Variants in CTNNA1 observed in about 807,000 individuals in gnomAD.
The protein encoded by CTNNA1 is catenin alpha 1.
A neutral mutation model predicts 98.4 loss-of-function variants in CTNNA1; 37 were observed. The observed-to-expected ratio is 0.38, with a 90% CI of 0.29 to 0.49. The LOEUF (loss-of-function observed/expected upper bound fraction) is 0.49. Among genes scored for constraint, CTNNA1 ranks in the 20% least tolerant of loss-of-function variants. The pLI is 0.95. For synonymous variants in CTNNA1, 404 were observed against 413.2 expected, an observed-to-expected ratio of 0.98 and a Z score of 0.27; for missense variants, 761 against 1,147.2, an observed-to-expected ratio of 0.66 and a Z score of 4.86.
At chr5:138,861,440 A>C (rs1317078188) in intron 7 of CTNNA1, among the ~76,000 whole-genome samples, 2 of 152,188 alleles carry the variant, frequency 1.3e-5, no homozygotes, top group Non-Finnish European at 2.9e-5. Context: ...ACATACTTTC[A>C]AATGAAAGGT....
At chr5:138,809,940 G>A in intron 3 of CTNNA1, 98 bp from the exon 4 acceptor site, 1 of 1,402,542 alleles carries the variant, frequency 7.1e-7, no homozygotes, top group Non-Finnish European at 9.5e-7. Flanking sequence ...ATTTGTGCAT[G>A]AAATATACAA....
intron 1 of CTNNA1, among the ~76,000 whole-genome samples, chr5:138,758,280 C>T (rs1751915577): frequency 6.6e-6 from 1 of 152,222 alleles, no homozygotes; most frequent in African/African-American, 2.4e-5. Flanking sequence ...TGGCTCCCTG[C>T]AACCTCCGCC....
intron 11 of CTNNA1, among the ~76,000 whole-genome samples, chr5:138,918,745 G>A (rs1207265463): frequency 6.6e-6 from 1 of 152,166 alleles, no homozygotes; most frequent in African/African-American, 2.4e-5. Flanking sequence ...GTTGCCCTTG[G>A]CTGCATGGCT....
At chr5:138,812,583 T>C (rs1758944603) in intron 5 of CTNNA1, among the ~76,000 whole-genome samples, 1 of 152,230 alleles carries the variant, frequency 6.6e-6, no homozygotes, top group Admixed American at 6.5e-5. Flanking sequence ...TAGGTCTTTG[T>C]GTATTTAAGG....
intron 7 of CTNNA1, among the ~76,000 whole-genome samples, chr5:138,864,212 A>G (rs114901155): frequency 0.055 from 8,345 of 152,268 alleles, 301 homozygotes; most frequent in Non-Finnish European, 0.083. Flanking sequence ...CCTGCCTTCC[A>G]GAGTGCTGGG....
intron 1 of CTNNA1, among the ~76,000 whole-genome samples, chr5:138,776,521 G>T (rs890116329): frequency 6.6e-6 from 1 of 152,014 alleles, no homozygotes; most frequent in African/African-American, 2.4e-5. Context: ...CCACAAAACC[G>T]CCATCGTCAT....
chr5:138,770,672 G>A (rs369822101), intron 1 of CTNNA1, among the ~76,000 whole-genome samples: 1 of 152,012 alleles, frequency 6.6e-6, no homozygotes. Context: ...GAAAGACCTC[G>A]CCGGGCGCGG....
At chr5:138,924,245 T>C (rs1173069715) in intron 11 of CTNNA1, among the ~76,000 whole-genome samples, 1 of 152,144 alleles carries the variant, frequency 6.6e-6, no homozygotes, top group Non-Finnish European at 1.5e-5. Flanking sequence ...AAGATGGGCA[T>C]GTCTCCTGTT....
intron 7 of CTNNA1, among the ~76,000 whole-genome samples, chr5:138,861,627 AG>A (rs1764292576): frequency 6.6e-6 from 1 of 152,210 alleles, no homozygotes; most frequent in African/African-American, 2.4e-5. Flanking sequence ...ACAGGTATGA[AG>A]GGTGTTGGGG....
chr5:138,860,431 C>T (rs1056125260), intron 7 of CTNNA1, among the ~76,000 whole-genome samples: 1 of 152,178 alleles, frequency 6.6e-6, no homozygotes, highest in Admixed American at 6.5e-5. Flanking sequence ...TTCCTGACCA[C>T]CTGCTGTTAG....
chr5:138,767,840 A>G (rs990030546), intron 1 of CTNNA1, among the ~76,000 whole-genome samples: 7 of 152,174 alleles, frequency 4.6e-5, no homozygotes, highest in African/African-American at 1.4e-4. Context: ...CCCTGACACT[A>G]CTGTCACACT....
At chr5:138,790,772 A>G (rs569320720) in intron 3 of CTNNA1, among the ~76,000 whole-genome samples, 1 of 152,328 alleles carries the variant, frequency 6.6e-6, no homozygotes, top group South Asian at 2.1e-4. Flanking sequence ...TAGTCTGGGA[A>G]AAGGTGATTG....
intron 5 of CTNNA1, among the ~76,000 whole-genome samples, chr5:138,822,933 A>G (rs1420043941): frequency 6.6e-6 from 1 of 152,214 alleles, no homozygotes; most frequent in Non-Finnish European, 1.5e-5. Flanking sequence ...ATGAACCACT[A>G]AATAGCTAAG....
chr5:138,777,836 T>A lies in CTNNA1; in HGVS notation c.-2-4087T>A, dbSNP rs536853437. 4.0e-3 allele frequency among the ~76,000 whole-genome samples: 557 copies of A among 140,124 alleles called. 3 individuals carry two copies. Among genetic ancestry groups the A allele is most frequent in the Non-Finnish European group, 6.1e-3 (398 of 65,010 alleles). The allele number at this position is 140,124 out of a possible 152,430, so 91.9% of individuals were successfully genotyped here. The stretch of plus-strand genomic sequence containing the variant: ...CAGTCCAGCTTCAGCTCGGCATCAG[T>A]GGGAGACCGTGGAAAGAGAGGGAGA... On this transcript the variant is annotated intron_variant, in intron 1 of 17. Transcript: ENST00000302763.
At chr5:138,894,018 G>C (rs559993131) in intron 9 of CTNNA1, among the ~76,000 whole-genome samples, 1 of 152,120 alleles carries the variant, frequency 6.6e-6, no homozygotes, top group African/African-American at 2.4e-5. Context: ...CCCGGTTCAA[G>C]CAATTCTCCC....
rs748186935 is a variant in CTNNA1 at position 138,887,531 on chromosome 5, G to A, written c.1185G>A (p.Leu395=). 27 of 1,609,880 alleles carry A rather than the reference G, an allele frequency of 1.7e-5. No homozygotes were observed. Among genetic ancestry groups the A allele is most frequent in the African/African-American group, 1.3e-5 (1 of 74,726 alleles). ...TGGACCACGTTTCAGATTCTTTCCT[G>A]GAAACCAATGTTCCACTTTTGGTAT... ...AVMDHVSDSF[L]ETNVPLLVLI... The change falls in exon 9 of 18, where the codon CTG becomes CTA. Residue 395 remains leucine (L), a synonymous_variant. Coordinates refer to ENST00000302763, the MANE Select transcript of CTNNA1 (RefSeq NM_001903.5).
At chr5:138,766,800 T>G (rs73790341) in intron 1 of CTNNA1, among the ~76,000 whole-genome samples, 5,830 of 152,146 alleles carry the variant, frequency 0.038, 299 homozygotes, top group African/African-American at 0.12. Context: ...AGCCCTATAC[T>G]TGTGAAAATG....
intron 7 of CTNNA1, among the ~76,000 whole-genome samples, chr5:138,848,303 G>C (rs1445487093): frequency 6.6e-6 from 1 of 152,224 alleles, no homozygotes. Context: ...GTCATGTAAG[G>C]CACAACCACT....
At chr5:138,786,791 C>G (rs1755759920) in intron 3 of CTNNA1, among the ~76,000 whole-genome samples, 1 of 152,180 alleles carries the variant, frequency 6.6e-6, no homozygotes, top group African/African-American at 2.4e-5. Context: ...AAGTTTCAGA[C>G]AACATCAGTC....
Sources: allele counts gnomAD v4.1 joint callset (sites outside exome capture counted in the v4.1 genomes callset), GRCh38; gene constraint gnomAD v4.1.1; transcripts MANE v1.5; gene names NCBI Gene and HGNC (gene_info 2026-07-23, HGNC 2026-07-21).